LRIG3: variants seen among roughly 807,000 people sequenced by gnomAD.
The protein encoded by LRIG3 is leucine rich repeats and immunoglobulin like domains 3.
LRIG3 carries 76 observed loss-of-function variants against 114.5 expected under a neutral mutation model. The observed-to-expected ratio is 0.66, with a 90% CI of 0.55 to 0.80. The LOEUF is 0.80. LRIG3 is among the 30% of genes least tolerant of loss of function. LRIG3 has a pLI of 0.00. For synonymous variants in LRIG3, 512 were observed against 519.8 expected (o/e 0.98, Z 0.20); for missense variants, 1,239 against 1,382.8 (o/e 0.90, Z 1.65).
chr12:58,920,124 G>C lies in LRIG3; in HGVS notation c.112C>G (p.Pro38Ala), dbSNP rs1226598697. The C allele has an allele frequency of 6.5e-7, 1 of 1,547,124 alleles. No individual in the cohort carries two copies. Among genetic ancestry groups the C allele is most frequent in the Non-Finnish European group, 8.7e-7 (1 of 1,146,978 alleles). ...GGGCGCTCGGCGGCTACCCCAGAGG[G>C]CTGCCCGAGTTCCCCGCGACCGCCG... Reference protein sequence around the residue: ...DSGGRGELGQPSGVAAERPCP... With the variant: ...DSGGRGELGQASGVAAERPCP... The change falls in exon 1 of 19, where the codon CCC becomes GCC. Residue 38 changes from proline to alanine, a missense_variant. Transcript: ENST00000320743.
chr12:58,885,931 T>C, intron 9 of LRIG3, 29 bp from the exon 10 acceptor site: 1 of 1,511,654 alleles, frequency 6.6e-7, no homozygotes, highest in Non-Finnish European at 9.0e-7. Context: ...TTGGAGCACT[T>C]AATTTAAAAA....
In LRIG3 at chr12:58,920,141, C is replaced by A; in HGVS notation, c.95G>T (p.Arg32Leu). The change falls in exon 1 of 19, where the codon CGC (arginine) becomes CTC (leucine). Residue 32 changes from arginine to leucine, a missense_variant. Physicochemically the swap from Arg to Leu is moderately radical, Grantham distance 102. Coordinates refer to ENST00000320743, the MANE Select transcript of LRIG3 (RefSeq NM_153377.5). ...GRAGRSDSGG[R>L]GELGQPSGVA... ...CCCAGAGGGCTGCCCGAGTTCCCCG[C>A]GACCGCCGCTGTCTGACCGGCCAGC... is the stretch of plus-strand genomic sequence containing the variant. 4 of 1,543,912 alleles carry A rather than the reference C, an allele frequency of 2.6e-6. No homozygotes were observed. The highest frequency in any genetic ancestry group is 3.5e-6 in the Non-Finnish European group (4 of 1,146,326).
chr12:58,888,403 T>C lies in LRIG3; in HGVS notation c.873A>G (p.Glu291=). Residue 291 remains glutamate (E), a synonymous_variant, in exon 7 of 19, where the codon GAA becomes GAG. Transcript: ENST00000320743. The stretch of plus-strand genomic sequence containing the variant: ...TGATGGCATTTTGGCTGAGATGAAG[T>C]TCCTGCAGCATCAGCAAGCCGTAAA... ...GWLYGLLMLQ[E]LHLSQNAINR... 1 of 1,613,902 alleles carries C rather than the reference T, an allele frequency of 6.2e-7. No homozygotes were observed. The highest frequency in any genetic ancestry group is 1.7e-4 in the Middle Eastern group (1 of 6,060).
chr12:58,916,596 C>T (rs1020149311), intron 1 of LRIG3, among the ~76,000 whole-genome samples: 2 of 152,248 alleles, frequency 1.3e-5, no homozygotes, highest in Middle Eastern at 3.4e-3. Flanking sequence ...GATCATAAAA[C>T]ATTCAATAAG....
chr12:58,909,146 C>A (rs1234002881), intron 3 of LRIG3, among the ~76,000 whole-genome samples: 1 of 152,200 alleles, frequency 6.6e-6, no homozygotes, highest in Non-Finnish European at 1.5e-5. Context: ...ATGCTTCCGA[C>A]ACCTCTTCCC....
Position 58,890,014 on chromosome 12 carries a change from A to C in LRIG3, c.641T>G (p.Leu214Arg), listed in dbSNP as rs1871400106. The C allele has an allele frequency of 6.2e-7, 1 of 1,613,576 alleles. No individual in the cohort carries two copies. Among genetic ancestry groups the C allele is most frequent in the African/African-American group, 1.3e-5 (1 of 74,906 alleles). The change falls in exon 5 of 19, where the codon CTG becomes CGG. Residue 214 changes from leucine (L) to arginine (R), a missense_variant. Leu to Arg is a moderately radical substitution (Grantham distance 102). Coordinates refer to ENST00000320743, the MANE Select transcript of LRIG3 (RefSeq NM_153377.5). ...TACTTACAGATGTTGCAGTTGGGGC[A>C]GTTTAAACATCTTGGGTGGGATAGC... The part of the protein sequence containing the change: ...ISAIPPKMFK[L>R]PQLQHLELNR...
chr12:58,917,554 A>G (rs1592314419), intron 1 of LRIG3, among the ~76,000 whole-genome samples: 2 of 152,224 alleles, frequency 1.3e-5, no homozygotes, highest in African/African-American at 4.8e-5. Flanking sequence ...TAAAAGGAGT[A>G]CTGATACAGT....
rs1477635210 is a variant in LRIG3 at position 58,878,857 on chromosome 12, T to C, written c.2050A>G (p.Ser684Gly). The change falls in exon 14 of 19, where the codon AGT becomes GGT. Residue 684 changes from serine to glycine, a missense_variant. Physicochemically the swap from Ser to Gly is moderately conservative, Grantham distance 56. Transcript: ENST00000320743. ...YSCTAQNSAG[S>G]ISANATLTVL... ...GTCAGAGTTGCATTTGCTGAAATAC[T>C]TCCTGCACTGTTCTGAGCTGTGCAG... is the stretch of plus-strand genomic sequence containing the variant. The C allele has an allele frequency of 3.1e-6, 5 of 1,614,112 alleles. No individual in the cohort carries two copies. In the African/African-American group the frequency reaches 6.7e-5, roughly 22 times the overall value.
At position 58,919,981 on chromosome 12, in the gene LRIG3, C is replaced by G. The variant is rs1041185736; in HGVS notation, c.236+19G>C. 19 of 1,548,932 alleles carry G rather than the reference C, an allele frequency of 1.2e-5. No homozygotes were observed. The African/African-American group carries it at 1.9e-4, about 16-fold the overall frequency. ...CTCCAGCGGCCCGGGCCCCCTCCCC[C>G]CGCGGGAAGAATACTTACAGCCGAG... On this transcript the variant is annotated intron_variant, in intron 1 of 18. Coordinates refer to ENST00000320743, the MANE Select transcript of LRIG3 (RefSeq NM_153377.5).
At position 58,898,870 on chromosome 12, in the gene LRIG3, G is replaced by T. The variant is rs146645828; in HGVS notation, c.384-8074C>A. 4.0e-3 allele frequency among the ~76,000 whole-genome samples: 601 copies of T among 152,146 alleles called. 4 individuals carry two copies. The highest frequency in any genetic ancestry group is 0.014 in the African/African-American group (580 of 41,502). ...GATGGAGTTTCACCATGTTGGCCAG[G>T]ATGGTCTCGATCTCCTGACCTCATG... On this transcript the variant is annotated intron_variant, in intron 3 of 18. Transcript: ENST00000320743.
rs1355134039 is a variant in LRIG3, at chr12:58,920,028, C to T, written c.208G>A (p.Glu70Lys). 12 of 1,551,626 alleles carry T rather than the reference C, an allele frequency of 7.7e-6. No homozygotes were observed. The highest frequency in any genetic ancestry group is 9.6e-6 in the Non-Finnish European group (11 of 1,147,754). ...CGAGCGACCCAGGACGGGAGTGGCTCGGGAAGACGCGCTAGCCGCTTACGA... is the reference window on the plus strand; with the variant it reads ...CGAGCGACCCAGGACGGGAGTGGCTTGGGAAGACGCGCTAGCCGCTTACGA... ...CSRKRLARLP[E>K]PLPSWVARLD... The change falls in exon 1 of 19, where the codon GAG becomes AAG. Residue 70 changes from glutamate (E) to lysine (K), a missense_variant. Coordinates refer to ENST00000320743, the MANE Select transcript of LRIG3 (RefSeq NM_153377.5).
chr12:58,899,553 TC>T (rs984407607), intron 3 of LRIG3, among the ~76,000 whole-genome samples: 5 of 152,310 alleles, frequency 3.3e-5, no homozygotes, highest in African/African-American at 1.2e-4. Flanking sequence ...ACTGTTTTTT[TC>T]ATCATGTTTT....
At chr12:58,908,640 C>T (rs1301597485) in intron 3 of LRIG3, among the ~76,000 whole-genome samples, 2 of 152,146 alleles carry the variant, frequency 1.3e-5, no homozygotes, top group East Asian at 3.8e-4. Flanking sequence ...ATTATTTTCT[C>T]AAGCATGCAT....
At position 58,872,456 on chromosome 12, in the gene LRIG3, G is replaced by A. The variant is rs569806057; in HGVS notation, c.*116C>T. On this transcript the variant is annotated 3_prime_UTR_variant, in exon 19 of 19. Transcript: ENST00000320743. ...ATTTTGGTTCATCTGTATAAATAAA[G>A]CATTTTTATCCTTTTAAAATTCATA... The A allele has an allele frequency of 1.2e-5, 14 of 1,207,350 alleles. No individual in the cohort carries two copies. In the East Asian group the frequency reaches 3.7e-4, roughly 32 times the overall value. 74.8% of individuals were successfully genotyped at this position (1,207,350 alleles called of 1,614,324 possible). A position where few individuals can be genotyped will look rare whatever the true frequency, so the allele number is the denominator to read the frequency against.
intron 3 of LRIG3, among the ~76,000 whole-genome samples, chr12:58,897,795 A>G (rs1871695865): frequency 1.3e-5 from 2 of 152,152 alleles, no homozygotes; most frequent in Admixed American, 1.3e-4. Flanking sequence ...ATAAAAATGG[A>G]CTCTACTTTG....
intron 3 of LRIG3, among the ~76,000 whole-genome samples, chr12:58,897,861 C>T (rs1330585913): frequency 6.6e-6 from 1 of 152,102 alleles, no homozygotes; most frequent in Non-Finnish European, 1.5e-5. Context: ...GGCCTTCCAC[C>T]GTCATTTTCA....
chr12:58,920,242 C>G lies in LRIG3; in HGVS notation c.-7G>C, dbSNP rs1489609213. On this transcript the variant is annotated 5_prime_UTR_variant, in exon 1 of 19. Coordinates refer to ENST00000320743, the MANE Select transcript of LRIG3 (RefSeq NM_153377.5). ...GGAGGCTCGGCGCGCTCATCGCGGT[C>G]CAGCGGCCTAGGTCTCTACCCGAAG... 7.3e-7 allele frequency: 1 copy of G among 1,376,700 alleles called. No homozygotes were observed. Among genetic ancestry groups the G allele is most frequent in the East Asian group, 3.0e-5 (1 of 33,434 alleles). 85.3% of individuals were successfully genotyped at this position (1,376,700 alleles called of 1,614,324 possible).
At chr12:58,912,903 A>G (rs1872338913) in intron 3 of LRIG3, among the ~76,000 whole-genome samples, 1 of 152,266 alleles carries the variant, frequency 6.6e-6, no homozygotes. Context: ...TTTGTCAAAT[A>G]CCGACTGCTT....
chr12:58,915,114 G>A (rs532379930), intron 1 of LRIG3, among the ~76,000 whole-genome samples: 3 of 152,218 alleles, frequency 2.0e-5, no homozygotes, highest in Admixed American at 6.5e-5. Flanking sequence ...AATACTCTAG[G>A]CTAGAAAGTC....
Sources: gnomAD v4.1 joint callset for allele counts (sites outside exome capture counted in the v4.1 genomes callset) on GRCh38, gnomAD v4.1.1 for gene constraint, MANE v1.5 for transcripts, NCBI Gene and HGNC (gene_info 2026-07-23, HGNC 2026-07-21) for gene names.